KITLG: variants seen among roughly 807,000 people sequenced by gnomAD.
KITLG encodes KIT ligand, also known as c-Kit ligand.
A neutral mutation model predicts 34.1 loss-of-function variants in KITLG; 13 were observed. The observed-to-expected ratio is 0.38, with a 90% confidence interval of 0.25 to 0.61. The LOEUF (loss-of-function observed/expected upper bound fraction) is 0.61, where lower values mean the gene tolerates loss of function less well. Among genes scored for constraint, KITLG ranks in the 20% least tolerant of loss-of-function variants. KITLG has a pLI of 0.60. For synonymous variants in KITLG, 110 were observed against 104.0 expected, an observed-to-expected ratio of 1.06 and a Z score of -0.35; for missense variants, 292 against 318.9, an observed-to-expected ratio of 0.92 and a Z score of 0.64.
intron 6 of KITLG, among the ~76,000 whole-genome samples, chr12:88,513,083 T>C (rs1281138934): frequency 6.6e-6 from 1 of 151,834 alleles, no homozygotes; most frequent in Non-Finnish European, 1.5e-5. Flanking sequence ...GTAGACTGTA[T>C]TGTGAAATTT....
chr12:88,504,416 G>GA (rs1252378326), intron 9 of KITLG, among the ~76,000 whole-genome samples: 13 of 151,922 alleles, frequency 8.6e-5, no homozygotes, highest in Non-Finnish European at 1.5e-4. Context: ...AAATTTACAA[G>GA]AAAAAATCAA....
intron 2 of KITLG, among the ~76,000 whole-genome samples, chr12:88,544,594 C>A (rs1240671197): frequency 6.6e-6 from 1 of 151,976 alleles, no homozygotes; most frequent in Non-Finnish European, 1.5e-5. Context: ...TCTTGCATGG[C>A]TTTGCTCACA....
chr12:88,526,238 A>C (rs1304199620), intron 3 of KITLG, among the ~76,000 whole-genome samples: 1 of 152,218 alleles, frequency 6.6e-6, no homozygotes, highest in Non-Finnish European at 1.5e-5. Context: ...AAAGCAGTAG[A>C]ACCAAAGGCT....
At chr12:88,519,124 T>G (rs1254036711) in intron 3 of KITLG, among the ~76,000 whole-genome samples, 6 of 151,964 alleles carry the variant, frequency 3.9e-5, no homozygotes, top group African/African-American at 1.4e-4. Flanking sequence ...AGCTTCCCAA[T>G]GTGCTGGGAT....
At chr12:88,508,854 T>A (rs1441966757) in intron 6 of KITLG, among the ~76,000 whole-genome samples, 1 of 152,114 alleles carries the variant, frequency 6.6e-6, no homozygotes, top group Non-Finnish European at 1.5e-5. Flanking sequence ...ACAGAGCTAT[T>A]TTAAGGATTA....
chr12:88,555,840 T>C (rs2120938166), intron 1 of KITLG, among the ~76,000 whole-genome samples: 1 of 152,252 alleles, frequency 6.6e-6, no homozygotes, highest in African/African-American at 2.4e-5. Context: ...GAGTATCTAA[T>C]AAATACATAA....
At chr12:88,521,972 G>T (rs2120852862) in intron 3 of KITLG, among the ~76,000 whole-genome samples, 1 of 152,194 alleles carries the variant, frequency 6.6e-6, no homozygotes, top group Middle Eastern at 3.4e-3. Context: ...TGGACTGCTA[G>T]CATCTCACTA....
At chr12:88,501,425 T>C (rs2120787918) in intron 9 of KITLG, among the ~76,000 whole-genome samples, 1 of 152,326 alleles carries the variant, frequency 6.6e-6, no homozygotes, top group South Asian at 2.1e-4. Flanking sequence ...ATTTTATTTC[T>C]GTCTTGGCAT....
intron 1 of KITLG, among the ~76,000 whole-genome samples, chr12:88,566,811 C>T (rs978200804): frequency 6.6e-6 from 1 of 152,158 alleles, no homozygotes; most frequent in Non-Finnish European, 1.5e-5. Flanking sequence ...CTGTTAATAA[C>T]TCTAGATTGT....
chr12:88,536,972 T>G (rs1592573031), intron 2 of KITLG, among the ~76,000 whole-genome samples: 2 of 152,106 alleles, frequency 1.3e-5, no homozygotes, highest in Non-Finnish European at 1.5e-5. Context: ...CCCCAGAACT[T>G]AAAGTATAAT....
chr12:88,528,591 T>C (rs553495570), intron 3 of KITLG, among the ~76,000 whole-genome samples: 2 of 152,328 alleles, frequency 1.3e-5, no homozygotes, highest in East Asian at 3.9e-4. Flanking sequence ...AAGTTGCAAA[T>C]GTACTGTGTT....
At chr12:88,524,238 A>G (rs1236649417) in intron 3 of KITLG, among the ~76,000 whole-genome samples, 6 of 152,252 alleles carry the variant, frequency 3.9e-5, no homozygotes, top group Non-Finnish European at 7.3e-5. Flanking sequence ...CTGCAGAGCT[A>G]AAATTTTCAT....
intron 9 of KITLG, among the ~76,000 whole-genome samples, chr12:88,500,399 G>A (rs1868806939): frequency 1.3e-5 from 2 of 152,102 alleles, no homozygotes; most frequent in Admixed American, 1.3e-4. Context: ...AAGTAACTCT[G>A]TAAACTTTTA....
intron 3 of KITLG, among the ~76,000 whole-genome samples, chr12:88,522,082 A>G (rs1405656733): frequency 6.6e-6 from 1 of 152,162 alleles, no homozygotes; most frequent in Non-Finnish European, 1.5e-5. Flanking sequence ...TAAAATATAT[A>G]ATTTAAAATG....
chr12:88,506,958 C>A (rs940976178), intron 7 of KITLG, 70 bp downstream of exon 7: 4 of 903,902 alleles, frequency 4.4e-6, no homozygotes, highest in African/African-American at 3.3e-5. Flanking sequence ...AGGATCATTT[C>A]TTGAGGAAAA....
rs1868490002 is a variant in KITLG, at chr12:88,493,569, T to C, written c.*3650A>G. ...TAATATTGTTTCAAAGATAAGCTGG[T>C]TTACTTTAGATTTCTTATCCCACTT... On this transcript the variant is annotated 3_prime_UTR_variant, in exon 10 of 10. Transcript: ENST00000644744. 1.3e-5 allele frequency: 2 copies of C among 152,046 alleles called. No homozygotes were observed. The highest frequency in any genetic ancestry group is 1.5e-5 in the Non-Finnish European group (1 of 67,852). 9.4% of individuals were successfully genotyped at this position (152,046 alleles called of 1,614,324 possible).
chr12:88,514,367 G>C (rs1437543318), intron 6 of KITLG, among the ~76,000 whole-genome samples: 1 of 151,488 alleles, frequency 6.6e-6, no homozygotes, highest in East Asian at 1.9e-4. Flanking sequence ...GACAAAAGTT[G>C]CTCCTTTGAA....
chr12:88,531,322 C>A (rs1870081463), intron 3 of KITLG, among the ~76,000 whole-genome samples: 2 of 152,210 alleles, frequency 1.3e-5, no homozygotes, highest in South Asian at 4.1e-4. Context: ...ATAAGTGTTA[C>A]CACTAAGAGA....
At chr12:88,568,565 A>G (rs1871532851) in intron 1 of KITLG, among the ~76,000 whole-genome samples, 1 of 152,128 alleles carries the variant, frequency 6.6e-6, no homozygotes, top group African/African-American at 2.4e-5. Flanking sequence ...AATAAATATC[A>G]TGTTGTAATC....
Sources: allele counts gnomAD v4.1 joint callset (sites outside exome capture counted in the v4.1 genomes callset), GRCh38; gene constraint gnomAD v4.1.1; transcripts MANE v1.5; gene names NCBI Gene and HGNC (gene_info 2026-07-23, HGNC 2026-07-21).